EBAG9: variants seen among roughly 807,000 people sequenced by gnomAD.
The protein encoded by EBAG9 is receptor-binding cancer antigen expressed on SiSo cells.
In EBAG9, 16 loss-of-function variants were observed where a neutral mutation model predicts 30.9. That is an observed-to-expected ratio of 0.52 (90% CI 0.35 to 0.79). EBAG9 has a LOEUF of 0.79. Ranked by LOEUF, EBAG9 falls within the 30% of genes least tolerant of loss-of-function variation. The pLI, the probability that EBAG9 is intolerant of heterozygous loss-of-function variation, is 0.01. For missense variants in EBAG9, 197 were observed against 242.1 expected (o/e 0.81, Z 1.24); for synonymous variants, 93 against 82.8 (o/e 1.12, Z -0.67).
intron 6 of EBAG9, among the ~76,000 whole-genome samples, chr8:109,564,034 C>T (rs749345869): frequency 6.6e-6 from 1 of 152,002 alleles, no homozygotes; most frequent in Non-Finnish European, 1.5e-5. Flanking sequence ...GATTATCAAG[C>T]TCAATATCAA....
At chr8:109,564,088 A>T (rs1047301386) in intron 6 of EBAG9, among the ~76,000 whole-genome samples, 3 of 152,086 alleles carry the variant, frequency 2.0e-5, no homozygotes, top group Non-Finnish European at 4.4e-5. Context: ...GGTTCAATGG[A>T]AGTATTGTTT....
chr8:109,555,554 A>G (rs1193550696), intron 4 of EBAG9, among the ~76,000 whole-genome samples: 1 of 152,190 alleles, frequency 6.6e-6, no homozygotes, highest in Non-Finnish European at 1.5e-5. Flanking sequence ...AGTCTCTGCC[A>G]TGGAGACTAA....
At chr8:109,551,472 G>A (rs1325445933) in intron 2 of EBAG9, among the ~76,000 whole-genome samples, 1 of 152,132 alleles carries the variant, frequency 6.6e-6, no homozygotes, top group Non-Finnish European at 1.5e-5. Flanking sequence ...GAGCTATGAT[G>A]TCTAAAATGT....
At chr8:109,557,696 G>A in intron 5 of EBAG9, 1 of 455,984 alleles carries the variant, frequency 2.2e-6, no homozygotes, top group Non-Finnish European at 4.4e-6. Flanking sequence ...ACTAAACTGG[G>A]TGGTTCTAAC....
At chr8:109,554,243 A>G (rs1292975929) in intron 3 of EBAG9, among the ~76,000 whole-genome samples, 1 of 152,180 alleles carries the variant, frequency 6.6e-6, no homozygotes, top group Non-Finnish European at 1.5e-5. Flanking sequence ...TGGTGTTGGT[A>G]TCTGTTGATT....
chr8:109,540,743 T>G (rs751408601), intron 1 of EBAG9: 10 of 152,236 alleles, frequency 6.6e-5, no homozygotes, highest in Non-Finnish European at 8.8e-5. Flanking sequence ...CAGGTAAATT[T>G]TATTTTGGGA....
intron 6 of EBAG9, chr8:109,563,296 C>A: frequency 7.4e-7 from 1 of 1,346,254 alleles, no homozygotes; most frequent in South Asian, 1.4e-5. Context: ...GATTTTTCTG[C>A]ATATAACCTA....
In EBAG9 at chr8:109,565,524, G is replaced by C. The variant is rs1821809772; in HGVS notation, c.*965G>C. The C allele has an allele frequency of 6.6e-6, 1 of 152,064 alleles. No homozygotes were observed. Among genetic ancestry groups the C allele is most frequent in the African/African-American group, 2.4e-5 (1 of 41,426 alleles). 9.4% of individuals were successfully genotyped at this position (152,064 alleles called of 1,614,324 possible). A position where few individuals can be genotyped will look rare whatever the true frequency, so the allele number is the denominator to read the frequency against. The stretch of plus-strand genomic sequence containing the variant: ...ATTATTGATTCATTAAATCATAAAG[G>C]TGGGAATAATAATCTTTTATTTATG... On this transcript the variant is annotated 3_prime_UTR_variant, in exon 7 of 7. Transcript: ENST00000337573.
chr8:109,544,938 A>G (rs1277519106), intron 1 of EBAG9, among the ~76,000 whole-genome samples: 1 of 152,242 alleles, frequency 6.6e-6, no homozygotes, highest in African/African-American at 2.4e-5. Flanking sequence ...AAATATATGC[A>G]GTACATATAT....
chr8:109,551,862 A>G (rs559950659), intron 2 of EBAG9, among the ~76,000 whole-genome samples: 3 of 152,168 alleles, frequency 2.0e-5, no homozygotes, highest in African/African-American at 7.2e-5. Flanking sequence ...GATTGTGGTT[A>G]TTTAAGAATA....
chr8:109,545,370 T>A (rs1386531467), intron 1 of EBAG9, among the ~76,000 whole-genome samples: 1 of 139,466 alleles, frequency 7.2e-6, no homozygotes, highest in East Asian at 2.0e-4. Context: ...CAGTTTTACC[T>A]TTTTTTTTTT....
chr8:109,541,385 C>T (rs1292722261), intron 1 of EBAG9, among the ~76,000 whole-genome samples: 1 of 152,102 alleles, frequency 6.6e-6, no homozygotes, highest in African/African-American at 2.4e-5. Flanking sequence ...TAGGGAGAGC[C>T]TTGGGCTTTC....
At chr8:109,540,108 C>T (rs1052533944), upstream of EBAG9, 1 of 152,504 alleles carries the variant, frequency 6.6e-6, no homozygotes, top group Non-Finnish European at 1.5e-5. Context: ...GACAGCTGCT[C>T]TGGGTACTGT....
At chr8:109,553,704 C>CTTT (rs374069269) in intron 2 of EBAG9, among the ~76,000 whole-genome samples, 161 bp from the exon 3 acceptor site, 1 of 151,994 alleles carries the variant, frequency 6.6e-6, no homozygotes, top group Non-Finnish European at 1.5e-5. Context: ...TGATTTATGA[C>CTTT]TTTTTTTTAC....
chr8:109,546,408 T>C (rs1821385272), intron 1 of EBAG9, among the ~76,000 whole-genome samples: 1 of 152,346 alleles, frequency 6.6e-6, no homozygotes, highest in African/African-American at 2.4e-5. Context: ...GTATATCCAT[T>C]ACCTCCAAAA....
At chr8:109,547,162 T>G (rs1288307091) in intron 1 of EBAG9, among the ~76,000 whole-genome samples, 3 of 152,036 alleles carry the variant, frequency 2.0e-5, no homozygotes, top group African/African-American at 7.2e-5. Flanking sequence ...ATACAAGTCT[T>G]TATATGGCTA....
chr8:109,551,118 T>C (rs73317028), intron 2 of EBAG9, among the ~76,000 whole-genome samples: 3,527 of 152,170 alleles, frequency 0.023, 141 homozygotes, highest in African/African-American at 0.081. Context: ...TCATTCAAAT[T>C]CTTACACTTT....
chr8:109,562,904 G>A lies in EBAG9; in HGVS notation c.522-1535G>A, dbSNP rs370193353. Among the ~76,000 whole-genome samples, 13 of 151,906 alleles carry A rather than the reference G, an allele frequency of 8.6e-5. 1 individual carries two copies. Among genetic ancestry groups the A allele is most frequent in the South Asian group, 8.3e-4 (4 of 4,802 alleles). On this transcript the variant is annotated intron_variant, in intron 6 of 6. Transcript: ENST00000337573. ...CAGATTTTGGAGCATTTCAGATTTC[G>A]GATTTTTGTATTTGGGATGCTCAGC...
At chr8:109,555,528 T>A (rs1033103169) in intron 4 of EBAG9, among the ~76,000 whole-genome samples, 3 of 152,188 alleles carry the variant, frequency 2.0e-5, no homozygotes, top group Admixed American at 2.0e-4. Context: ...CTACTATATG[T>A]CAGATTCTAG....
Sources: allele counts gnomAD v4.1 joint callset (sites outside exome capture counted in the v4.1 genomes callset), GRCh38; gene constraint gnomAD v4.1.1; transcripts MANE v1.5; gene names NCBI Gene and HGNC (gene_info 2026-07-23, HGNC 2026-07-21).